Variants in SYS1 observed in about 807,000 individuals in gnomAD.
The protein encoded by SYS1 is protein SYS1 homolog.
A neutral mutation model predicts 17.8 loss-of-function variants in SYS1; 8 were observed. That is an observed-to-expected ratio of 0.45 (90% confidence interval 0.26 to 0.81). SYS1 has a LOEUF of 0.81. SYS1 is among the 40% of genes least tolerant of loss of function. The pLI, the probability that SYS1 is intolerant of heterozygous loss-of-function variation, is 0.16. For synonymous variants in SYS1, 95 were observed against 90.9 expected (o/e 1.05, Z -0.26); for missense variants, 161 against 203.9 (o/e 0.79, Z 1.28).
downstream of SYS1, chr20:45,372,844 T>C (rs1454940717): frequency 2.7e-5 from 4 of 145,554 alleles, no homozygotes; most frequent in African/African-American, 1.0e-4. Flanking sequence ...CCCCGCGCTG[T>C]GGCTCCGCCC....
At chr20:45,372,290 C>T (rs1191445573), downstream of SYS1, among the ~76,000 whole-genome samples, 2 of 152,212 alleles carry the variant, frequency 1.3e-5, no homozygotes, top group Non-Finnish European at 2.9e-5. Context: ...CATGCTGGGT[C>T]CCCGCCTTCG....
chr20:45,366,934 C>G lies in SYS1; in HGVS notation c.290C>G (p.Thr97Ser). The G allele has an allele frequency of 6.2e-7, 1 of 1,614,242 alleles. No homozygotes were observed. Among genetic ancestry groups the G allele is most frequent in the Non-Finnish European group, 8.5e-7 (1 of 1,180,044 alleles). ...AAGCAGTGTCTGGATTTCACTGTCA[C>G]TGTCCATTTCTTTCACCTCCTGGGC... is the stretch of plus-strand genomic sequence containing the variant. ...RGKQCLDFTV[T>S]VHFFHLLGCW... The change falls in exon 4 of 4, where the codon ACT becomes AGT. Residue 97 changes from threonine (T) to serine (S), a missense_variant. Coordinates refer to ENST00000243918, the MANE Select transcript of SYS1 (RefSeq NM_033542.4).
rs1010167311 is a variant in SYS1, at chr20:45,367,416, C to T, written c.*301C>T. 56 of 1,199,540 alleles carry T rather than the reference C, an allele frequency of 4.7e-5. No homozygotes were observed. Among genetic ancestry groups the T allele is most frequent in the Non-Finnish European group, 5.4e-5 (52 of 959,418 alleles). The allele number at this position is 1,199,540 out of a possible 1,614,324, so 74.3% of individuals were successfully genotyped here. A position where few individuals can be genotyped will look rare whatever the true frequency, so the allele number is the denominator to read the frequency against. ...CTTGAGCCACAATACCTGTCACCAG[C>T]CTGTTGTTTTAAGAGAGAAAAAAAA... On this transcript the variant is annotated 3_prime_UTR_variant, in exon 4 of 4. Transcript: ENST00000243918.
At position 45,366,811 on chromosome 20, in the gene SYS1, C is replaced by T. The variant is rs928562300; in HGVS notation, c.231-64C>T. The stretch of plus-strand genomic sequence containing the variant: ...TATGCTGCCGTCCTAATTGTCCCTA[C>T]CCTCCCAAATAACCTAAGGCCAGGA... On this transcript the variant is annotated intron_variant, in intron 3 of 3. Coordinates refer to ENST00000243918, the MANE Select transcript of SYS1 (RefSeq NM_033542.4). The T allele has an allele frequency of 2.2e-6, 3 of 1,380,808 alleles. No homozygotes were observed. In the African/African-American group the frequency reaches 4.3e-5, roughly 20 times the overall value. 85.5% of individuals were successfully genotyped at this position (1,380,808 alleles called of 1,614,324 possible).
Position 45,366,970 on chromosome 20 carries a change from A to G in SYS1, c.326A>G (p.Tyr109Cys). ...HFFHLLGCWF[Y>C]SSRFPSALTW... ...TTTCACCTCCTGGGCTGCTGGTTCTACAGCTCCCGTTTCCCCTCGGCGCTG... is the reference window on the plus strand; with the variant it reads ...TTTCACCTCCTGGGCTGCTGGTTCTGCAGCTCCCGTTTCCCCTCGGCGCTG... The change falls in exon 4 of 4, where the codon TAC (tyrosine) becomes TGC (cysteine). Residue 109 changes from tyrosine to cysteine, a missense_variant. Coordinates refer to ENST00000243918, the MANE Select transcript of SYS1 (RefSeq NM_033542.4). 6.2e-7 allele frequency: 1 copy of G among 1,614,098 alleles called. No individual in the cohort carries two copies. The highest frequency in any genetic ancestry group is 8.5e-7 in the Non-Finnish European group (1 of 1,180,014).
intron 2 of SYS1, 66 bp downstream of exon 2, chr20:45,363,759 T>C: frequency 6.7e-7 from 1 of 1,492,498 alleles, no homozygotes; most frequent in Non-Finnish European, 9.0e-7. Context: ...GGTCCATCAC[T>C]ACTGTGCTGT....
chr20:45,366,832 C>G, intron 3 of SYS1, 43 bp from the exon 4 acceptor site: 1 of 1,556,470 alleles, frequency 6.4e-7, no homozygotes, highest in Non-Finnish European at 8.9e-7. Flanking sequence ...AACCTAAGGC[C>G]AGGACAACCC....
chr20:45,374,682 C>T (rs914687717), exon 4 of SYS1: 2 of 427,562 alleles, frequency 4.7e-6, no homozygotes, highest in East Asian at 3.8e-5. Flanking sequence ...CATCTCCCCC[C>T]TCCCACATTT....
Position 45,365,645 on chromosome 20 carries a change from C to T in SYS1, c.189C>T (p.Gly63=). Residue 63 remains glycine, a synonymous_variant, in exon 3 of 4, where the codon GGC becomes GGT. Coordinates refer to ENST00000243918, the MANE Select transcript of SYS1 (RefSeq NM_033542.4). ...TCCTGGGCTTTTCCACCCCTCCAGGCCGGCTCTCCATGATGTCCTTCATCC... is the reference window on the plus strand; with the variant it reads ...TCCTGGGCTTTTCCACCCCTCCAGGTCGGCTCTCCATGATGTCCTTCATCC... ...AEILGFSTPP[G]RLSMMSFILN... is the part of the protein sequence containing the mutation. 6.2e-7 allele frequency: 1 copy of T among 1,614,206 alleles called. No homozygotes were observed. The highest frequency in any genetic ancestry group is 8.5e-7 in the Non-Finnish European group (1 of 1,180,028).
exon 4 of SYS1, chr20:45,376,491 A>G (rs1022509705): frequency 6.6e-6 from 1 of 152,248 alleles, no homozygotes; most frequent in African/African-American, 2.4e-5. Context: ...TTGGATTCAG[A>G]CAAACGGGCT....
exon 4 of SYS1, chr20:45,374,824 C>G: frequency 1.6e-6 from 1 of 611,862 alleles, no homozygotes; most frequent in Admixed American, 3.1e-5. Flanking sequence ...CATCTCCTAG[C>G]TGTATCCTGA....
chr20:45,364,573 G>A (rs908467249), intron 2 of SYS1, among the ~76,000 whole-genome samples: 4 of 137,802 alleles, frequency 2.9e-5, no homozygotes, highest in Non-Finnish European at 6.1e-5. Context: ...CCGGGTTCAC[G>A]CCATTCTCCT....
Position 45,374,698 on chromosome 20 carries a change from TCCTTAAA to T in SYS1, c.*407_*413del, listed in dbSNP as rs1286644182. 3 of 430,310 alleles carry T rather than the reference TCCTTAAA, an allele frequency of 7.0e-6. No homozygotes were observed. In the East Asian group the frequency reaches 1.1e-4, roughly 16 times the overall value. The allele number at this position is 430,310 out of a possible 1,614,324, so 26.7% of individuals were successfully genotyped here. A position where few individuals can be genotyped will look rare whatever the true frequency, so the allele number is the denominator to read the frequency against. ...ATCTCCCCCCTCCCACATTTGGAAA[TCCTTAAA>T]CCCACTTATGTAGGCCTCTGACTGT... On this transcript the variant is annotated 3_prime_UTR_variant, in exon 4 of 4. Transcript: ENST00000426004.
exon 4 of SYS1, chr20:45,375,577 A>C: frequency 1.3e-6 from 2 of 1,590,318 alleles, no homozygotes; most frequent in South Asian, 1.1e-5. Flanking sequence ...AAAGGCAGTC[A>C]GCACAGCAGG....
chr20:45,370,358 A>T (rs1988536370), downstream of SYS1, among the ~76,000 whole-genome samples: 2 of 152,170 alleles, frequency 1.3e-5, no homozygotes, highest in Non-Finnish European at 2.9e-5. Context: ...AGGTGTCTGA[A>T]GTTGACCTCC....
exon 4 of SYS1, chr20:45,374,745 CAGCAG>C (rs1988669592): frequency 4.2e-6 from 2 of 471,684 alleles, no homozygotes; most frequent in Non-Finnish European, 7.5e-6. Flanking sequence ...TTCAGAGCCA[CAGCAG>C]TTTCCACCTC....
chr20:45,375,452 C>T (rs774818638), exon 4 of SYS1: 3 of 1,614,020 alleles, frequency 1.9e-6, no homozygotes, highest in Non-Finnish European at 2.5e-6. Flanking sequence ...TTAGGGTCCC[C>T]TGTGGACTCT....
At chr20:45,364,665 G>T (rs1294229298) in intron 2 of SYS1, among the ~76,000 whole-genome samples, 2 of 151,694 alleles carry the variant, frequency 1.3e-5, no homozygotes, top group Non-Finnish European at 2.9e-5. Flanking sequence ...TAGAGACGGG[G>T]TTTCACCGTT....
upstream of SYS1, chr20:45,362,984 C>A: frequency 2.0e-6 from 1 of 504,986 alleles, no homozygotes; most frequent in Non-Finnish European, 2.6e-6. Flanking sequence ...GGCGCGCAAG[C>A]TCTGCGGCCT....
Sources: allele counts gnomAD v4.1 joint callset (sites outside exome capture counted in the v4.1 genomes callset), GRCh38; gene constraint gnomAD v4.1.1; transcripts MANE v1.5; gene names NCBI Gene and HGNC (gene_info 2026-07-23, HGNC 2026-07-21).